The following PSD3 variants were observed in gnomAD, a reference collection of about 807,000 sequenced individuals.
The protein encoded by PSD3 is PH and SEC7 domain-containing protein 3.
PSD3 carries 49 observed loss-of-function variants against 105.5 expected under a neutral mutation model. The observed-to-expected ratio is 0.46, with a 90% CI of 0.37 to 0.59. PSD3 has a LOEUF of 0.59. PSD3 is among the 20% of genes least tolerant of loss of function. The pLI, the probability that PSD3 is intolerant of heterozygous loss-of-function variation, is 0.00. For synonymous variants in PSD3, 557 were observed against 457.8 expected (o/e 1.22, Z -2.77); for missense variants, 1,561 against 1,263.8 (o/e 1.24, Z -3.57).
In PSD3 at chr8:18,655,689, T is replaced by G; in HGVS notation, c.2173-4A>C. The G allele has an allele frequency of 6.2e-7, 1 of 1,612,848 alleles. No homozygotes were observed. Among genetic ancestry groups the G allele is most frequent in the Non-Finnish European group, 8.5e-7 (1 of 1,178,956 alleles). ...TCTTGATTGAGTTGTACAGAGCCTG[T>G]AAAGAGAGAAAATGAGATCACATTA... On this transcript the variant is annotated splice_polypyrimidine_tract_variant and splice_region_variant and intron_variant, in intron 9 of 15. Coordinates refer to ENST00000327040, the MANE Select transcript of PSD3 (RefSeq NM_015310.4).
In PSD3 at chr8:18,534,379, C is replaced by T. The variant is rs1164863226; in HGVS notation, c.*1364G>A. The stretch of plus-strand genomic sequence containing the variant: ...ACTTTCACTCCTTTCTCTTCCTCTA[C>T]AGAAGAATATTCTGTTTATCACCCT... On this transcript the variant is annotated 3_prime_UTR_variant, in exon 16 of 16. Transcript: ENST00000327040. The T allele has an allele frequency of 1.3e-5, 2 of 152,572 alleles. No individual in the cohort carries two copies. Among genetic ancestry groups the T allele is most frequent in the Admixed American group, 6.5e-5 (1 of 15,282 alleles). The allele number at this position is 152,572 out of a possible 1,614,324, so 9.5% of individuals were successfully genotyped here. A position where few individuals can be genotyped will look rare whatever the true frequency, so the allele number is the denominator to read the frequency against.
At chr8:18,551,968 A>G (rs1017631004) in intron 15 of PSD3, among the ~76,000 whole-genome samples, 1 of 152,236 alleles carries the variant, frequency 6.6e-6, no homozygotes, top group Non-Finnish European at 1.5e-5. Context: ...GTAGAAAGTT[A>G]TCAGATGTGA....
intron 4 of PSD3, among the ~76,000 whole-genome samples, chr8:18,822,485 G>A (rs756033809): frequency 3.0e-4 from 46 of 152,278 alleles, no homozygotes; most frequent in Non-Finnish European, 6.2e-4. Context: ...CACCTGGTGC[G>A]AGAATAAAGT....
intron 15 of PSD3, among the ~76,000 whole-genome samples, chr8:18,538,293 C>CT: frequency 6.6e-6 from 1 of 152,300 alleles, no homozygotes; most frequent in East Asian, 1.9e-4. Flanking sequence ...GAATAGCATG[C>CT]TAAGCATTAT....
chr8:18,899,517 TAA>T (rs1246076107), intron 2 of PSD3, among the ~76,000 whole-genome samples: 1 of 152,070 alleles, frequency 6.6e-6, no homozygotes, highest in African/African-American at 2.4e-5. Context: ...ATTCTTTCCA[TAA>T]AACACTGTGT....
intron 1 of PSD3, among the ~76,000 whole-genome samples, chr8:19,011,764 G>A (rs1826960494): frequency 8.4e-6 from 1 of 119,110 alleles, no homozygotes; most frequent in African/African-American, 3.1e-5. Context: ...TCTTATGCTC[G>A]CATTTAAAAA....
intron 9 of PSD3, among the ~76,000 whole-genome samples, chr8:18,742,499 G>A (rs1804653606): frequency 6.6e-6 from 1 of 152,070 alleles, no homozygotes; most frequent in Admixed American, 6.6e-5. Flanking sequence ...ATAAATATAA[G>A]CATATTCTTT....
intron 9 of PSD3, among the ~76,000 whole-genome samples, chr8:18,734,619 C>T (rs1335544247): frequency 6.6e-6 from 1 of 152,052 alleles, no homozygotes; most frequent in African/African-American, 2.4e-5. Flanking sequence ...AAATAAAGTC[C>T]CCGCCCTTAT....
intron 12 of PSD3, among the ~76,000 whole-genome samples, chr8:18,589,537 C>T (rs1220651986): frequency 6.6e-6 from 1 of 152,130 alleles, no homozygotes; most frequent in African/African-American, 2.4e-5. Context: ...TATGGTCCTT[C>T]CTAATTTGGA....
intron 1 of PSD3, among the ~76,000 whole-genome samples, chr8:18,968,073 G>T (rs112333064): frequency 8.5e-5 from 13 of 152,212 alleles, no homozygotes; most frequent in African/African-American, 3.1e-4. Flanking sequence ...CCTCACGGTG[G>T]CTCCAGATTT....
chr8:18,656,801 C>T (rs1335531066), intron 9 of PSD3, among the ~76,000 whole-genome samples: 1 of 152,010 alleles, frequency 6.6e-6, no homozygotes, highest in Non-Finnish European at 1.5e-5. Context: ...TGCACAACAG[C>T]CTCAAACTCC....
chr8:18,798,599 C>T (rs1261402693), intron 8 of PSD3, among the ~76,000 whole-genome samples: 1 of 152,056 alleles, frequency 6.6e-6, no homozygotes, highest in Non-Finnish European at 1.5e-5. Flanking sequence ...ATATACTCTA[C>T]ACAGACACCT....
At chr8:18,957,861 C>T (rs1054801287) in intron 1 of PSD3, among the ~76,000 whole-genome samples, 13 of 152,140 alleles carry the variant, frequency 8.5e-5, no homozygotes, top group Non-Finnish European at 1.9e-4. Flanking sequence ...CTTCAAATGA[C>T]CTGGGCTGTG....
At chr8:18,963,882 A>AT (rs1824081596) in intron 1 of PSD3, among the ~76,000 whole-genome samples, 1 of 152,168 alleles carries the variant, frequency 6.6e-6, no homozygotes, top group East Asian at 1.9e-4. Flanking sequence ...TACCCTACAT[A>AT]TTCTATGCTT....
chr8:18,699,107 C>T (rs1049538820), intron 9 of PSD3, among the ~76,000 whole-genome samples: 3 of 152,106 alleles, frequency 2.0e-5, no homozygotes, highest in Admixed American at 6.6e-5. Context: ...CTGGGAACAT[C>T]CAGAGACTGC....
chr8:18,780,580 C>G (rs1006599364), intron 8 of PSD3, among the ~76,000 whole-genome samples: 1 of 151,992 alleles, frequency 6.6e-6, no homozygotes, highest in African/African-American at 2.4e-5. Flanking sequence ...GAGACCGACA[C>G]TCACTCTGTT....
chr8:18,622,924 C>T (rs754963472), intron 11 of PSD3, among the ~76,000 whole-genome samples: 1 of 152,114 alleles, frequency 6.6e-6, no homozygotes, highest in African/African-American at 2.4e-5. Flanking sequence ...TTAATGTGTA[C>T]CACAATTAAA....
At chr8:18,876,911 T>G (rs1817768010) in intron 2 of PSD3, among the ~76,000 whole-genome samples, 1 of 152,244 alleles carries the variant, frequency 6.6e-6, no homozygotes, top group African/African-American at 2.4e-5. Context: ...GATTCTCATT[T>G]GCATTTCCCT....
At chr8:18,794,807 C>A (rs1163290065) in intron 8 of PSD3, among the ~76,000 whole-genome samples, 1 of 18,884 alleles carries the variant, frequency 5.3e-5, no homozygotes, top group Non-Finnish European at 2.2e-4. Context: ...TTCCCCGGGT[C>A]CCCTTATTTC....
Sources: gnomAD v4.1 joint callset for allele counts (sites outside exome capture counted in the v4.1 genomes callset) on GRCh38, gnomAD v4.1.1 for gene constraint, MANE v1.5 for transcripts, NCBI Gene and HGNC (gene_info 2026-07-23, HGNC 2026-07-21) for gene names.